The following MEI1 variants were observed in gnomAD, a reference collection of about 807,000 sequenced individuals.
The protein encoded by MEI1 is meiosis inhibitor protein 1.
A neutral mutation model predicts 146.2 loss-of-function variants in MEI1; 103 were observed. The observed-to-expected ratio is 0.70, with a 90% CI of 0.60 to 0.83. The LOEUF (loss-of-function observed/expected upper bound fraction) is 0.83. MEI1 is among the 40% of genes least tolerant of loss of function. The probability of loss-of-function intolerance (pLI) is 0.00; values close to 1 mark genes in which losing one functional copy is unlikely to be tolerated. For synonymous variants in MEI1, 652 were observed against 628.2 expected (o/e 1.04, Z -0.57); for missense variants, 1,529 against 1,533.0 (o/e 1.00, Z 0.04).
At position 41,718,213 on chromosome 22, in the gene MEI1, TC is replaced by T. The variant is rs2070390808; in HGVS notation, c.676del (p.Leu226SerfsTer22). ...LSGHFREKLF[P>X]LFLSILDGAQ... is the part of the protein sequence containing the mutation. ...CAGGACACTTCCGTGAGAAGCTTTT[TC>T]CCCTCTTCCTTTCCATCCTGGATGG... On this transcript the variant is annotated frameshift_variant, in exon 6 of 31. Coordinates refer to ENST00000401548, the MANE Select transcript of MEI1 (RefSeq NM_152513.4). LOFTEE classifies it high-confidence loss of function. The T allele has an allele frequency of 2.5e-6, 4 of 1,613,974 alleles. No homozygotes were observed. The East Asian group carries it at 8.9e-5, about 36-fold the overall frequency.
At chr22:41,739,471 A>G (rs1053332527) in intron 11 of MEI1, among the ~76,000 whole-genome samples, 1 of 151,936 alleles carries the variant, frequency 6.6e-6, no homozygotes. Context: ...TTAATTTTAC[A>G]TTGTGAAAGT....
intron 11 of MEI1, among the ~76,000 whole-genome samples, chr22:41,740,210 C>T (rs749825053): frequency 6.6e-6 from 1 of 151,836 alleles, no homozygotes; most frequent in African/African-American, 2.4e-5. Flanking sequence ...AGTAGAGATG[C>T]GTTTTCACCA....
chr22:41,769,388 CTCATA>C (rs1211850259), intron 19 of MEI1, among the ~76,000 whole-genome samples: 1 of 152,046 alleles, frequency 6.6e-6, no homozygotes, highest in African/African-American at 2.4e-5. Flanking sequence ...GGACTCTTAA[CTCATA>C]TCATACACAA....
In MEI1 at chr22:41,785,915, A is replaced by ATTT. The variant is rs1274113686; in HGVS notation, c.3345+1143_3345+1145dup. 3.8e-5 allele frequency among the ~76,000 whole-genome samples: 4 copies of ATTT among 104,056 alleles called. 1 individual carries two copies. Among genetic ancestry groups the ATTT allele is most frequent in the Non-Finnish European group, 5.9e-5 (3 of 50,552 alleles). The allele number at this position is 104,056 out of a possible 152,430, so 68.3% of individuals were successfully genotyped here. A position where few individuals can be genotyped will look rare whatever the true frequency, so the allele number is the denominator to read the frequency against. On this transcript the variant is annotated intron_variant, in intron 26 of 30. Transcript: ENST00000401548. ...TTTTTATTTTTTTATTTTTTATTTT[A>ATTT]TTTTTTTTTTTTTGAGACGGAGTCT...
intron 3 of MEI1, among the ~76,000 whole-genome samples, chr22:41,706,556 CTG>C (rs756314537): frequency 6.6e-5 from 10 of 151,914 alleles, no homozygotes; most frequent in Non-Finnish European, 1.3e-4. Flanking sequence ...GTGGTTAAAA[CTG>C]TTGAAGTGGA....
rs898377990 is a variant in MEI1 at position 41,784,419 on chromosome 22, A to C, written c.3168A>C (p.Ser1056=). The change falls in exon 25 of 31, where the codon TCA becomes TCC. Residue 1056 remains serine, a splice_region_variant and synonymous_variant. Transcript: ENST00000401548. The stretch of plus-strand genomic sequence containing the variant: ...CAAAGAAAAAGGCTGCACTACTCTC[A>C]GGTATGGGTCCACAAGTCTCCAGCA... ...SFPKKKAALL[S]AAILCFLRTA... The C allele has an allele frequency of 1.2e-6, 2 of 1,613,864 alleles. No homozygotes were observed. The highest frequency in any genetic ancestry group is 1.7e-6 in the Non-Finnish European group (2 of 1,179,772).
intron 11 of MEI1, among the ~76,000 whole-genome samples, chr22:41,742,568 C>T (rs1207620454): frequency 6.6e-6 from 1 of 152,136 alleles, no homozygotes; most frequent in Non-Finnish European, 1.5e-5. Flanking sequence ...GAGGAGAGTA[C>T]TATTAGCCTC....
At chr22:41,785,917 T>TTA (rs2075964225) in intron 26 of MEI1, among the ~76,000 whole-genome samples, 1 of 139,930 alleles carries the variant, frequency 7.1e-6, no homozygotes, top group African/African-American at 2.6e-5. Context: ...TTTATTTTAT[T>TTA]TTTTTTTTTT....
chr22:41,784,930 T>C (rs1397715941), intron 26 of MEI1, 147 bp downstream of exon 26: 1 of 302,996 alleles, frequency 3.3e-6, no homozygotes, highest in Non-Finnish European at 5.2e-6. Context: ...TTTTATTTTA[T>C]TTATTTATTT....
chr22:41,784,505 A>G, intron 25 of MEI1, 85 bp downstream of exon 25: 1 of 1,593,906 alleles, frequency 6.3e-7, no homozygotes, highest in Non-Finnish European at 8.6e-7. Context: ...GCCAATGGTC[A>G]CTCCATAATT....
At chr22:41,719,916 C>A (rs2070603224) in intron 6 of MEI1, among the ~76,000 whole-genome samples, 1 of 152,188 alleles carries the variant, frequency 6.6e-6, no homozygotes, top group Admixed American at 6.6e-5. Flanking sequence ...TTGGTGACAG[C>A]AGCTTCTTTT....
chr22:41,706,093 A>G (rs966276105), intron 3 of MEI1, among the ~76,000 whole-genome samples: 1 of 152,020 alleles, frequency 6.6e-6, no homozygotes, highest in Non-Finnish European at 1.5e-5. Context: ...ATCATAGCTC[A>G]CTGCAGCCTT....
chr22:41,738,701 G>A (rs1317036852), intron 11 of MEI1, among the ~76,000 whole-genome samples: 1 of 151,908 alleles, frequency 6.6e-6, no homozygotes, highest in Non-Finnish European at 1.5e-5. Context: ...GAACCAGGGA[G>A]TTGGAGGTTG....
intron 6 of MEI1, among the ~76,000 whole-genome samples, chr22:41,723,316 G>A (rs1029693216): frequency 6.6e-6 from 1 of 152,018 alleles, no homozygotes; most frequent in African/African-American, 2.4e-5. Context: ...GGGTTCAAGC[G>A]ATTCTCCTGC....
intron 11 of MEI1, among the ~76,000 whole-genome samples, chr22:41,734,154 T>TA (rs1280308150): frequency 8.0e-5 from 12 of 150,864 alleles, no homozygotes; most frequent in Non-Finnish European, 1.5e-4. Context: ...TAAAATAAAA[T>TA]AAATAAAGTA....
chr22:41,716,255 C>A (rs2070141057), intron 5 of MEI1, 109 bp downstream of exon 5: 1 of 710,318 alleles, frequency 1.4e-6, no homozygotes, highest in Non-Finnish European at 2.4e-6. Flanking sequence ...TACTTTCCTG[C>A]TTTAGCCTTC....
At chr22:41,763,485 G>A (rs1488471354) in intron 19 of MEI1, among the ~76,000 whole-genome samples, 164 bp downstream of exon 19, 4 of 151,302 alleles carry the variant, frequency 2.6e-5, no homozygotes, top group Admixed American at 6.6e-5. Flanking sequence ...CTCATACAGA[G>A]CCTGTATAAT....
intron 3 of MEI1, among the ~76,000 whole-genome samples, chr22:41,712,178 T>A (rs1356913325): frequency 1.2e-5 from 1 of 81,476 alleles, no homozygotes; most frequent in Non-Finnish European, 2.3e-5. Flanking sequence ...CACTCCAGCC[T>A]GGGCAACAAG....
chr22:41,720,289 G>A (rs1465644182), intron 6 of MEI1, among the ~76,000 whole-genome samples: 1 of 152,108 alleles, frequency 6.6e-6, no homozygotes, highest in East Asian at 1.9e-4. Flanking sequence ...GGCAGTGTTG[G>A]AGTTAGTGCA....
Sources: allele counts gnomAD v4.1 joint callset (sites outside exome capture counted in the v4.1 genomes callset), GRCh38; gene constraint gnomAD v4.1.1; transcripts MANE v1.5; gene names NCBI Gene and HGNC (gene_info 2026-07-23, HGNC 2026-07-21).